The following SLC14A1 variants were observed in gnomAD, a reference collection of about 807,000 sequenced individuals.
SLC14A1 encodes the protein solute carrier family 14 member 1 (Kidd blood group).
A neutral mutation model predicts 39.6 loss-of-function variants in SLC14A1; 36 were observed. The observed-to-expected ratio is 0.91, with a 90% CI of 0.70 to 1.20. The LOEUF is 1.20. Ranked by LOEUF, SLC14A1 falls within the 50% of genes most tolerant of loss-of-function variation. The probability of loss-of-function intolerance (pLI) is 0.00; values close to 1 mark genes in which losing one functional copy is unlikely to be tolerated. For synonymous variants in SLC14A1, 164 were observed against 173.6 expected (o/e 0.94, Z 0.43); for missense variants, 469 against 478.7 (o/e 0.98, Z 0.19).
intron 4 of SLC14A1, 167 bp from the exon 5 acceptor site, chr18:45,734,107 G>A (rs2047112569): frequency 2.5e-6 from 2 of 800,724 alleles, no homozygotes; most frequent in Non-Finnish European, 4.1e-6. Flanking sequence ...TTCACTTCAT[G>A]TCTTTATTAG....
chr18:45,729,831 C>G (rs1317195530), intron 2 of SLC14A1: 1 of 152,448 alleles, frequency 6.6e-6, no homozygotes, highest in East Asian at 1.9e-4. Context: ...AAAAGGCTAC[C>G]TGTCTTGGCA....
chr18:45,739,620 A>G lies in SLC14A1; in HGVS notation c.904A>G (p.Met302Val). The change falls in exon 8 of 10, where the codon ATG (methionine) becomes GTG (valine). Residue 302 changes from methionine to valine, a missense_variant. Physicochemically the swap from Met to Val is conservative, Grantham distance 21 (BLOSUM62 1). Transcript: ENST00000321925. Reference sequence around the variant, plus strand: ...CTGCATTGCAATGGGAGGAATGTTCATGGCGCTCACCTGGCAAACCCACCT... The same window carrying G: ...CTGCATTGCAATGGGAGGAATGTTCGTGGCGCTCACCTGGCAAACCCACCT... ...LACIAMGGMFMALTWQTHLLA... is the reference protein window; with the variant it reads ...LACIAMGGMFVALTWQTHLLA... The G allele has an allele frequency of 6.2e-7, 1 of 1,614,182 alleles. No homozygotes were observed.
intron 8 of SLC14A1, among the ~76,000 whole-genome samples, chr18:45,743,672 T>A (rs758786594): frequency 6.6e-6 from 1 of 152,236 alleles, no homozygotes; most frequent in African/African-American, 2.4e-5. Flanking sequence ...GAACAAATAG[T>A]GTCTAGCACT....
intron 2 of SLC14A1, among the ~76,000 whole-genome samples, chr18:45,728,875 A>G (rs1568030225): frequency 6.6e-6 from 1 of 152,236 alleles, no homozygotes; most frequent in East Asian, 1.9e-4. Context: ...TTTAAAAAGC[A>G]GAATGGTTAG....
intron 2 of SLC14A1, among the ~76,000 whole-genome samples, chr18:45,727,702 C>T (rs1174406379): frequency 1.3e-5 from 2 of 152,170 alleles, no homozygotes; most frequent in Middle Eastern, 3.2e-3. Context: ...CTTATTGTCC[C>T]TTCTTCTTAG....
rs2144875584 is a variant in SLC14A1, at chr18:45,751,336, G to A, written c.*1385G>A. ...ACCTGGGCGACAAGAGTGAAACTGTGTCTCTCAAAAAAAAAAAAAAACAAA... is the reference window on the plus strand; with the variant it reads ...ACCTGGGCGACAAGAGTGAAACTGTATCTCTCAAAAAAAAAAAAAAACAAA... On this transcript the variant is annotated 3_prime_UTR_variant, in exon 10 of 10. Transcript: ENST00000321925. 1.2e-6 allele frequency: 1 copy of A among 862,448 alleles called. No individual in the cohort carries two copies. The highest frequency in any genetic ancestry group is 2.6e-5 in the African/African-American group (1 of 38,934). The allele number at this position is 862,448 out of a possible 1,614,324, so 53.4% of individuals were successfully genotyped here. A position where few individuals can be genotyped will look rare whatever the true frequency, so the allele number is the denominator to read the frequency against.
At chr18:45,724,419 G>A (rs1476663144) in intron 1 of SLC14A1, 146 bp downstream of exon 1, 2 of 145,746 alleles carry the variant, frequency 1.4e-5, no homozygotes, top group Non-Finnish European at 2.9e-5. Flanking sequence ...TCAGAGTTCT[G>A]GTAGACTAGA....
chr18:45,739,357 A>G, intron 7 of SLC14A1, 47 bp downstream of exon 7: 1 of 1,613,474 alleles, frequency 6.2e-7, no homozygotes, highest in Non-Finnish European at 8.5e-7. Context: ...CCTCCATCCC[A>G]TGCATTGCCT....
intron 8 of SLC14A1, among the ~76,000 whole-genome samples, chr18:45,742,353 G>GTTT (rs34628652): frequency 0.024 from 2,848 of 117,936 alleles, 140 homozygotes; most frequent in African/African-American, 0.059. Context: ...TTGTTTTTTG[G>GTTT]TTTTTTTTTT....
chr18:45,724,912 G>C (rs745833104), intron 1 of SLC14A1, 38 bp from the exon 2 acceptor site: 2 of 152,214 alleles, frequency 1.3e-5, no homozygotes, highest in Non-Finnish European at 2.9e-5. Context: ...CCAGGACACA[G>C]GAATATCTGA....
rs2047713326 is a variant in SLC14A1, at chr18:45,751,641, G to T, written c.*1690G>T. 2.0e-6 allele frequency: 1 copy of T among 500,430 alleles called. No individual in the cohort carries two copies. 31.0% of individuals were successfully genotyped at this position (500,430 alleles called of 1,614,324 possible). A position where few individuals can be genotyped will look rare whatever the true frequency, so the allele number is the denominator to read the frequency against. ...AAAATAAAAATAGTAACATTAGCCA[G>T]GTGTAGCAGCACACATCTGCAGCAG... is the stretch of plus-strand genomic sequence containing the variant. On this transcript the variant is annotated 3_prime_UTR_variant, in exon 10 of 10. Coordinates refer to ENST00000321925, the MANE Select transcript of SLC14A1 (RefSeq NM_015865.7).
intron 4 of SLC14A1, 87 bp from the exon 5 acceptor site, chr18:45,734,187 T>C (rs757174862): frequency 8.7e-6 from 13 of 1,493,418 alleles, no homozygotes; most frequent in Non-Finnish European, 1.2e-5. Context: ...AATATGAATA[T>C]GATCTGGAAG....
chr18:45,747,494 C>G (rs1038559762), intron 8 of SLC14A1, among the ~76,000 whole-genome samples: 1 of 151,482 alleles, frequency 6.6e-6, no homozygotes, highest in Non-Finnish European at 1.5e-5. Context: ...TGAGACCATC[C>G]TGGTTAACAT....
chr18:45,726,584 C>T (rs1476077553), intron 2 of SLC14A1: 1 of 151,758 alleles, frequency 6.6e-6, no homozygotes, highest in East Asian at 1.9e-4. Flanking sequence ...CACTTGAGGC[C>T]AGGAATTCAA....
chr18:45,730,190 A>T, intron 2 of SLC14A1, 110 bp from the exon 3 acceptor site: 3 of 1,173,494 alleles, frequency 2.6e-6, no homozygotes, highest in African/African-American at 1.5e-5. Context: ...GTGCTCTCTT[A>T]GTTCTATGGA....
rs529864339 is a variant in SLC14A1 at position 45,730,925 on chromosome 18, A to C, written c.152-90A>C. 101 of 1,069,374 alleles carry C rather than the reference A, an allele frequency of 9.4e-5. No homozygotes were observed. The African/African-American group carries it at 1.5e-3, about 16-fold the overall frequency. 66.2% of individuals were successfully genotyped at this position (1,069,374 alleles called of 1,614,324 possible). A position where few individuals can be genotyped will look rare whatever the true frequency, so the allele number is the denominator to read the frequency against. ...ATATCAAAAATGTTTCACTTCCAGG[A>C]GGTTTTGCTGATTTTGCTCAGGGTG... On this transcript the variant is annotated intron_variant, in intron 3 of 9. Coordinates refer to ENST00000321925, the MANE Select transcript of SLC14A1 (RefSeq NM_015865.7).
chr18:45,747,415 G>A (rs777274284), intron 8 of SLC14A1, among the ~76,000 whole-genome samples: 11 of 152,126 alleles, frequency 7.2e-5, no homozygotes, highest in Non-Finnish European at 1.3e-4. Context: ...TTGGCTGGGC[G>A]CGGTGGCTCA....
At chr18:45,727,454 C>A (rs892658810) in intron 2 of SLC14A1, 11 of 1,520,884 alleles carry the variant, frequency 7.2e-6, no homozygotes, top group Non-Finnish European at 9.8e-6. Context: ...GCTCGGGGAA[C>A]CTGGGAGCCT....
intron 8 of SLC14A1, chr18:45,746,983 G>T (rs954053364): frequency 6.6e-5 from 10 of 152,196 alleles, no homozygotes; most frequent in African/African-American, 2.4e-4. Flanking sequence ...GAAAGAATTT[G>T]ATATACTATT....
Sources: allele counts gnomAD v4.1 joint callset (sites outside exome capture counted in the v4.1 genomes callset), GRCh38; gene constraint gnomAD v4.1.1; transcripts MANE v1.5; gene names NCBI Gene and HGNC (gene_info 2026-07-23, HGNC 2026-07-21).